The following TF variants were observed in gnomAD, a reference collection of about 807,000 sequenced individuals.
The protein encoded by TF is transferrin.
TF carries 55 observed loss-of-function variants against 82.4 expected under a neutral mutation model. The observed-to-expected ratio is 0.67, with a 90% CI of 0.54 to 0.84. The LOEUF (loss-of-function observed/expected upper bound fraction) is 0.84, where lower values mean the gene tolerates loss of function less well. Among genes scored for constraint, TF ranks in the 40% least tolerant of loss-of-function variants. The pLI is 0.00. For missense variants in TF, 737 were observed against 868.4 expected (o/e 0.85, Z 1.90); for synonymous variants, 332 against 332.6 (o/e 1.00, Z 0.02).
chr3:133,767,964 C>T (rs2107927109), intron 12 of TF, 65 bp from the exon 13 acceptor site: 4 of 1,601,164 alleles, frequency 2.5e-6, no homozygotes, highest in South Asian at 2.2e-5. Flanking sequence ...GCCCTGTTAT[C>T]TCTTAAATAA....
At chr3:133,762,782 A>G (rs991888933) in intron 9 of TF, among the ~76,000 whole-genome samples, 1 of 152,146 alleles carries the variant, frequency 6.6e-6, no homozygotes, top group Non-Finnish European at 1.5e-5. Flanking sequence ...AAGCTAAAAC[A>G]CAAAGAATTT....
chr3:133,764,794 G>T (rs775480908), intron 10 of TF, 81 bp from the exon 11 acceptor site: 2 of 1,360,552 alleles, frequency 1.5e-6, no homozygotes, highest in Non-Finnish European at 2.1e-6. Context: ...TTTATTCTTA[G>T]CTGCAGCATA....
At chr3:133,724,406 G>A in the TF span, among the ~76,000 whole-genome samples, 1 of 152,220 alleles carries the variant, frequency 6.6e-6, no homozygotes. Flanking sequence ...CTGATGGCCA[G>A]TGATGATGAG....
chr3:133,718,358 G>T, the TF span, among the ~76,000 whole-genome samples: 1 of 152,070 alleles, frequency 6.6e-6, no homozygotes, highest in East Asian at 1.9e-4. Flanking sequence ...TGCTGGGAGG[G>T]AGACCTTCCC....
chr3:133,698,170 G>A, the TF span, among the ~76,000 whole-genome samples: 1 of 152,340 alleles, frequency 6.6e-6, no homozygotes, highest in East Asian at 1.9e-4. Flanking sequence ...TGAGCTGCTC[G>A]CTGGAGCCTG....
chr3:133,774,827 A>G lies in TF; in HGVS notation c.1688-606A>G, dbSNP rs886139038. 1.3e-5 allele frequency: 3 copies of G among 226,682 alleles called. No homozygotes were observed. In the South Asian group the frequency reaches 1.7e-4, roughly 13 times the overall value. 14.0% of individuals were successfully genotyped at this position (226,682 alleles called of 1,614,324 possible). On this transcript the variant is annotated intron_variant, in intron 14 of 16. Transcript: ENST00000402696. ...GCAAAACATATTTGCAAAGTGGCTC[A>G]GGAGGAAGGAGCTGAAACCCTAAGA...
At chr3:133,686,676 G>A in the TF span, among the ~76,000 whole-genome samples, 34 of 152,198 alleles carry the variant, frequency 2.2e-4, no homozygotes, top group South Asian at 4.4e-3. Context: ...TTAGAATGGC[G>A]ATCATTAAAA....
chr3:133,756,556 C>A (rs745756805), intron 6 of TF, among the ~76,000 whole-genome samples: 50 of 152,158 alleles, frequency 3.3e-4, no homozygotes, highest in Non-Finnish European at 6.5e-4. Context: ...GTGCCTCTGC[C>A]TCTGGGGTAG....
chr3:133,732,701 G>A, the TF span, among the ~76,000 whole-genome samples: 2 of 152,174 alleles, frequency 1.3e-5, no homozygotes, highest in African/African-American at 4.8e-5. Context: ...CTCCAGACAC[G>A]TCTGAACATC....
chr3:133,697,701 G>T, the TF span, among the ~76,000 whole-genome samples: 1 of 152,156 alleles, frequency 6.6e-6, no homozygotes, highest in Non-Finnish European at 1.5e-5. Flanking sequence ...AGGCCATTAG[G>T]TCATATTGAT....
intron 8 of TF, 110 bp downstream of exon 8, chr3:133,758,056 T>A: frequency 9.8e-7 from 1 of 1,023,356 alleles, no homozygotes; most frequent in Non-Finnish European, 1.5e-6. Flanking sequence ...CTGATGCTCC[T>A]TTTTCTGACC....
the TF span, among the ~76,000 whole-genome samples, chr3:133,678,849 A>AT: frequency 2.5e-4 from 33 of 130,112 alleles, no homozygotes; most frequent in Non-Finnish European, 4.8e-4. Flanking sequence ...TGGCCCAGCT[A>AT]TTTTTTGTTT....
chr3:133,753,839 C>A, intron 3 of TF, 136 bp downstream of exon 3: 1 of 780,092 alleles, frequency 1.3e-6, no homozygotes, highest in Non-Finnish European at 2.2e-6. Flanking sequence ...AATGAGGGGC[C>A]CTGTCAGCTG....
At chr3:133,747,926 T>C (rs1201531867) in intron 1 of TF, among the ~76,000 whole-genome samples, 1 of 151,392 alleles carries the variant, frequency 6.6e-6, no homozygotes, top group Admixed American at 6.6e-5. Flanking sequence ...CAGGGTGACC[T>C]TGGGTTAAAA....
chr3:133,670,350 G>A, the TF span, among the ~76,000 whole-genome samples: 8 of 152,314 alleles, frequency 5.3e-5, 1 homozygote, highest in African/African-American at 1.7e-4. Context: ...CATCTTTGCC[G>A]TGAAGTTTTA....
chr3:133,737,505 C>T, the TF span, among the ~76,000 whole-genome samples: 2 of 148,586 alleles, frequency 1.3e-5, no homozygotes, highest in Non-Finnish European at 3.0e-5. Flanking sequence ...CAAAAAAAAA[C>T]CCTTAAAAAA....
chr3:133,722,483 T>A, the TF span, among the ~76,000 whole-genome samples: 1 of 152,062 alleles, frequency 6.6e-6, no homozygotes, highest in African/African-American at 2.4e-5. Flanking sequence ...GGTAGATTCT[T>A]TGTTTCTTTA....
At chr3:133,732,599 A>G in the TF span, among the ~76,000 whole-genome samples, 1 of 152,238 alleles carries the variant, frequency 6.6e-6, no homozygotes. Context: ...GTTTGGGTCC[A>G]CACTACCTTT....
At chr3:133,710,438 C>G in the TF span, among the ~76,000 whole-genome samples, 1 of 152,198 alleles carries the variant, frequency 6.6e-6, no homozygotes, top group Non-Finnish European at 1.5e-5. Context: ...CACTTCTCTG[C>G]TCCACATGCC....
Sources: allele counts gnomAD v4.1 joint callset (sites outside exome capture counted in the v4.1 genomes callset), GRCh38; gene constraint gnomAD v4.1.1; transcripts MANE v1.5; gene names NCBI Gene and HGNC (gene_info 2026-07-23, HGNC 2026-07-21).